Variants in CTNNA3 observed in about 807,000 individuals in gnomAD.
CTNNA3 encodes catenin alpha 3.
Under a neutral mutation model 95.7 loss-of-function variants are expected in CTNNA3, and 76 were observed. The observed-to-expected ratio is 0.79, with a 90% CI of 0.66 to 0.96. The LOEUF is 0.96. Among genes scored for constraint, CTNNA3 ranks in the 40% least tolerant of loss-of-function variants. CTNNA3 has a pLI of 0.00. For synonymous variants in CTNNA3, 431 were observed against 374.4 expected (o/e 1.15, Z -1.74); for missense variants, 1,191 against 1,089.8 (o/e 1.09, Z -1.31).
intron 4 of CTNNA3, among the ~76,000 whole-genome samples, chr10:67,537,227 A>G (rs924662971): frequency 6.6e-6 from 1 of 152,176 alleles, no homozygotes; most frequent in Non-Finnish European, 1.5e-5. Context: ...ATTTGCCTAA[A>G]CTTTTAAAAG....
At chr10:67,310,400 A>C (rs2620911) in intron 5 of CTNNA3, among the ~76,000 whole-genome samples, 18,503 of 152,102 alleles carry the variant, frequency 0.12, 2,163 homozygotes, top group African/African-American at 0.31. Flanking sequence ...CACACACACA[A>C]AAAAACTTCT....
At chr10:67,195,579 C>T (rs1357484840) in intron 6 of CTNNA3, among the ~76,000 whole-genome samples, 2 of 151,976 alleles carry the variant, frequency 1.3e-5, no homozygotes, top group East Asian at 1.9e-4. Flanking sequence ...AAATGCACTA[C>T]CATCTATACC....
chr10:66,226,610 T>A (rs2089300904), intron 13 of CTNNA3, among the ~76,000 whole-genome samples: 1 of 151,498 alleles, frequency 6.6e-6, no homozygotes, highest in Non-Finnish European at 1.5e-5. Flanking sequence ...TAAGTTTGGA[T>A]GGAAATTGCA....
chr10:66,831,669 A>G (rs967972122), intron 7 of CTNNA3, among the ~76,000 whole-genome samples: 1 of 152,116 alleles, frequency 6.6e-6, no homozygotes, highest in African/African-American at 2.4e-5. Context: ...GCAATTCAAT[A>G]AAGAGTTGTG....
chr10:66,859,367 A>G (rs1157822919), intron 7 of CTNNA3, among the ~76,000 whole-genome samples: 1 of 151,796 alleles, frequency 6.6e-6, no homozygotes, highest in East Asian at 1.9e-4. Context: ...ACATGAACAG[A>G]CACTTCTCAA....
At chr10:66,978,943 C>T (rs1053037849) in intron 7 of CTNNA3, among the ~76,000 whole-genome samples, 1 of 149,206 alleles carries the variant, frequency 6.7e-6, no homozygotes, top group African/African-American at 2.5e-5. Flanking sequence ...AATAGCCACT[C>T]CTCACATACT....
chr10:66,200,316 G>T (rs746233412), intron 13 of CTNNA3, among the ~76,000 whole-genome samples: 1 of 151,930 alleles, frequency 6.6e-6, no homozygotes, highest in Non-Finnish European at 1.5e-5. Flanking sequence ...AGTGAGAAAT[G>T]GCAGAAAGGC....
At chr10:66,117,370 A>C (rs1026804304) in intron 13 of CTNNA3, among the ~76,000 whole-genome samples, 1 of 152,214 alleles carries the variant, frequency 6.6e-6, no homozygotes, top group Non-Finnish European at 1.5e-5. Context: ...AATATAATAT[A>C]GTATAGCTGA....
intron 9 of CTNNA3, among the ~76,000 whole-genome samples, chr10:66,724,303 G>C (rs1460032668): frequency 6.6e-6 from 1 of 152,172 alleles, no homozygotes; most frequent in Non-Finnish European, 1.5e-5. Context: ...ATACCAGGAA[G>C]TCCTCACAAG....
intron 12 of CTNNA3, among the ~76,000 whole-genome samples, chr10:66,373,252 A>G (rs1009685481): frequency 6.6e-6 from 1 of 152,124 alleles, no homozygotes; most frequent in Non-Finnish European, 1.5e-5. Flanking sequence ...TTTACTTAAA[A>G]TGGCAAGATA....
intron 17 of CTNNA3, among the ~76,000 whole-genome samples, chr10:65,961,014 A>G (rs962221318): frequency 3.3e-5 from 5 of 151,848 alleles, no homozygotes; most frequent in African/African-American, 1.2e-4. Context: ...CTAACATCAC[A>G]TTCTCTCATT....
At chr10:66,885,270 T>G (rs1845000864) in intron 7 of CTNNA3, among the ~76,000 whole-genome samples, 1 of 152,170 alleles carries the variant, frequency 6.6e-6, no homozygotes, top group African/African-American at 2.4e-5. Context: ...TTTAAAGTCC[T>G]TTTGCTATTT....
At chr10:65,998,774 T>A (rs1290861112) in intron 15 of CTNNA3, among the ~76,000 whole-genome samples, 1 of 152,170 alleles carries the variant, frequency 6.6e-6, no homozygotes, top group East Asian at 1.9e-4. Context: ...CAATAAGATG[T>A]GTTATTAGAA....
In CTNNA3 at chr10:66,520,533, T is replaced by C. The variant is rs990630481; in HGVS notation, c.1531+84A>G. ...TCCCAAAGTGTTGGCATTACAGGCA[T>C]GAGCCACCATGCCTGTCCCAGTATT... On this transcript the variant is annotated intron_variant, in intron 11 of 17. Transcript: ENST00000433211. 6 of 1,281,474 alleles carry C rather than the reference T, an allele frequency of 4.7e-6. No homozygotes were observed. The Admixed American group carries it at 9.2e-5, about 20-fold the overall frequency. 79.4% of individuals were successfully genotyped at this position (1,281,474 alleles called of 1,614,324 possible). A position where few individuals can be genotyped will look rare whatever the true frequency, so the allele number is the denominator to read the frequency against.
At chr10:66,075,672 T>C (rs1206362451) in intron 14 of CTNNA3, among the ~76,000 whole-genome samples, 1 of 151,772 alleles carries the variant, frequency 6.6e-6, no homozygotes, top group Admixed American at 6.6e-5. Flanking sequence ...TATAGCGCCA[T>C]TATAATTATC....
At chr10:66,829,692 G>GAAA (rs140759441) in intron 7 of CTNNA3, among the ~76,000 whole-genome samples, 1 of 145,514 alleles carries the variant, frequency 6.9e-6, no homozygotes. Flanking sequence ...TAACATTTTG[G>GAAA]AAAAAAAAAA....
intron 7 of CTNNA3, among the ~76,000 whole-genome samples, chr10:66,914,065 C>T (rs968940193): frequency 2.6e-5 from 4 of 151,632 alleles, no homozygotes; most frequent in African/African-American, 9.7e-5. Flanking sequence ...CTGAAGCAAG[C>T]TCTCTGTCTA....
At chr10:67,441,843 T>C (rs1846531351) in intron 5 of CTNNA3, among the ~76,000 whole-genome samples, 2 of 152,126 alleles carry the variant, frequency 1.3e-5, no homozygotes, top group Admixed American at 6.6e-5. Flanking sequence ...TTCATTATCA[T>C]AAGAAGTCAT....
intron 9 of CTNNA3, among the ~76,000 whole-genome samples, chr10:66,675,028 C>T (rs943039755): frequency 1.3e-5 from 2 of 151,966 alleles, no homozygotes; most frequent in Admixed American, 1.3e-4. Flanking sequence ...CTAATAAATC[C>T]TAGAGGGCCT....
Sources: gnomAD v4.1 joint callset for allele counts (sites outside exome capture counted in the v4.1 genomes callset) on GRCh38, gnomAD v4.1.1 for gene constraint, MANE v1.5 for transcripts, NCBI Gene and HGNC (gene_info 2026-07-23, HGNC 2026-07-21) for gene names.